The following MGAT5 variants were observed in gnomAD, a reference collection of about 807,000 sequenced individuals.
MGAT5 encodes alpha-1,6-mannosylglycoprotein 6-beta-N-acetylglucosaminyltransferase A.
A neutral mutation model predicts 94.3 loss-of-function variants in MGAT5; 30 were observed. That is an observed-to-expected ratio of 0.32 (90% confidence interval 0.24 to 0.43). The LOEUF is 0.43. Ranked by LOEUF, MGAT5 falls within the 20% of genes least tolerant of loss-of-function variation. The pLI is 1.00. For synonymous variants in MGAT5, 310 were observed against 322.9 expected (o/e 0.96, Z 0.43); for missense variants, 691 against 905.5 (o/e 0.76, Z 3.04).
chr2:134,250,028 G>A (rs1191935632), upstream of MGAT5, among the ~76,000 whole-genome samples: 1 of 152,058 alleles, frequency 6.6e-6, no homozygotes, highest in Admixed American at 6.5e-5. Flanking sequence ...CTTTTCATGT[G>A]CTTTTTTTTT....
Position 134,207,159 on chromosome 2 carries a change from C to T in MGAT5, c.-142-47103C>T, listed in dbSNP as rs141065242. Among the ~76,000 whole-genome samples the T allele has an allele frequency of 9.9e-5, 15 of 152,272 alleles. 2 individuals are homozygous for T. Among genetic ancestry groups the T allele is most frequent in the African/African-American group, 3.6e-4 (15 of 41,560 alleles). On this transcript the variant is annotated intron_variant, in intron 1 of 16. Coordinates refer to the MGAT5 transcript ENST00000409645. ...TGGCTTCTTATGTCTTCAAGCCAGT[C>T]TTTGACACTTTTTAGATAGTGATTC...
intron 1 of MGAT5, among the ~76,000 whole-genome samples, chr2:134,215,162 A>G (rs1680415085): frequency 6.6e-6 from 1 of 152,178 alleles, no homozygotes; most frequent in African/African-American, 2.4e-5. Context: ...TGATCCACCC[A>G]TTCTACCGTA....
chr2:134,301,115 C>T (rs1437339455), intron 2 of MGAT5, among the ~76,000 whole-genome samples: 1 of 152,134 alleles, frequency 6.6e-6, no homozygotes, highest in Non-Finnish European at 1.5e-5. Flanking sequence ...TGAAATCTTA[C>T]AGTATGAACA....
In MGAT5 at chr2:134,275,086, A is replaced by C. The variant is rs554573575; in HGVS notation, c.406+4536A>C. Among the ~76,000 whole-genome samples, 4 of 152,196 alleles carry C rather than the reference A, an allele frequency of 2.6e-5. No individual in the cohort carries two copies. The East Asian group carries it at 7.7e-4, about 29-fold the overall frequency. ...TCCTTGTATGTGTACCCATGTCATCAGTTTGTGTTGAAGTAGCACCTGAAG... is the reference window on the plus strand; with the variant it reads ...TCCTTGTATGTGTACCCATGTCATCCGTTTGTGTTGAAGTAGCACCTGAAG... On this transcript the variant is annotated intron_variant, in intron 2 of 15. Transcript: ENST00000281923.
At chr2:134,289,710 G>A (rs536782297) in intron 2 of MGAT5, among the ~76,000 whole-genome samples, 1 of 152,302 alleles carries the variant, frequency 6.6e-6, no homozygotes, top group South Asian at 2.1e-4. Context: ...CCTTCTGGGA[G>A]TCTGGAATCT....
chr2:134,403,277 C>A, intron 11 of MGAT5, 140 bp downstream of exon 11: 1 of 772,936 alleles, frequency 1.3e-6, no homozygotes. Flanking sequence ...AGACCAATGG[C>A]AGCTGAAAAG....
intron 14 of MGAT5, among the ~76,000 whole-genome samples, chr2:134,430,660 C>T (rs938220724): frequency 6.6e-6 from 1 of 151,976 alleles, no homozygotes; most frequent in South Asian, 2.1e-4. Context: ...AAAACTGCAC[C>T]GCCCCCCACC....
chr2:134,400,831 C>T (rs1423583394), intron 10 of MGAT5, among the ~76,000 whole-genome samples: 1 of 152,180 alleles, frequency 6.6e-6, no homozygotes. Context: ...TTAAGGCCAG[C>T]AAGATGTCCC....
At chr2:134,233,895 C>G (rs1195886208) in intron 1 of MGAT5, among the ~76,000 whole-genome samples, 2 of 152,224 alleles carry the variant, frequency 1.3e-5, no homozygotes, top group Non-Finnish European at 2.9e-5. Context: ...TCATGCACAA[C>G]ACTCTAGGTT....
At chr2:134,343,132 C>G (rs1688729698) in intron 7 of MGAT5, among the ~76,000 whole-genome samples, 1 of 152,002 alleles carries the variant, frequency 6.6e-6, no homozygotes, top group Non-Finnish European at 1.5e-5. Context: ...TGTGGTAGAA[C>G]CAGGGACAAG....
At chr2:134,202,551 G>C (rs545501247) in intron 1 of MGAT5, among the ~76,000 whole-genome samples, 1 of 152,348 alleles carries the variant, frequency 6.6e-6, no homozygotes, top group African/African-American at 2.4e-5. Context: ...AACAGACTGA[G>C]GCACTGGCCC....
chr2:134,408,126 T>G (rs546117897), intron 11 of MGAT5, among the ~76,000 whole-genome samples: 42 of 152,232 alleles, frequency 2.8e-4, no homozygotes, highest in Middle Eastern at 6.8e-3. Flanking sequence ...AATAAGCCTG[T>G]TTTGCTGCCT....
chr2:134,357,780 A>G (rs1345425265), intron 9 of MGAT5, among the ~76,000 whole-genome samples: 1 of 152,052 alleles, frequency 6.6e-6, no homozygotes, highest in Non-Finnish European at 1.5e-5. Context: ...TTTGTCAACA[A>G]TTTAGGCGCT....
At chr2:134,241,200 G>A (rs2105445356) in intron 1 of MGAT5, among the ~76,000 whole-genome samples, 1 of 152,340 alleles carries the variant, frequency 6.6e-6, no homozygotes, top group African/African-American at 2.4e-5. Flanking sequence ...AGTGTGTCCA[G>A]CAGCCTGTTC....
chr2:134,393,932 T>C (rs904640838), intron 10 of MGAT5, among the ~76,000 whole-genome samples: 1 of 148,852 alleles, frequency 6.7e-6, no homozygotes, highest in South Asian at 2.2e-4. Flanking sequence ...TCCTTCCTTA[T>C]GTGTGGTGCA....
rs1553469371 is a variant in MGAT5, at chr2:134,450,775, G to GA, written c.*1928_*1929insA. ...AGGGCAGAAGTCCAAAGGAAACCTTGGTGAGTGAGTGTGTGTGTGTGTGTG... is the reference window on the plus strand; with the variant it reads ...AGGGCAGAAGTCCAAAGGAAACCTTGAGTGAGTGAGTGTGTGTGTGTGTGTG... On this transcript the variant is annotated 3_prime_UTR_variant, in exon 16 of 16. Transcript: ENST00000281923. 2 of 143,052 alleles carry GA rather than the reference G, an allele frequency of 1.4e-5. No homozygotes were observed. The highest frequency in any genetic ancestry group is 3.0e-5 in the Non-Finnish European group (2 of 67,778). The allele number at this position is 143,052 out of a possible 1,614,324, so 8.9% of individuals were successfully genotyped here.
At chr2:134,125,270 ACAT>A (rs1464355719) in intron 1 of MGAT5, among the ~76,000 whole-genome samples, 2 of 152,214 alleles carry the variant, frequency 1.3e-5, no homozygotes, top group Non-Finnish European at 2.9e-5. Flanking sequence ...AGAGACCATA[ACAT>A]CATGAGGTCA....
intron 2 of MGAT5, among the ~76,000 whole-genome samples, chr2:134,282,966 A>C (rs1169132824): frequency 6.6e-6 from 1 of 150,872 alleles, no homozygotes; most frequent in Non-Finnish European, 1.5e-5. Flanking sequence ...TCTAATACAG[A>C]AGGTGGCCTA....
At chr2:134,447,242 CT>C (rs1685837958) in intron 15 of MGAT5, among the ~76,000 whole-genome samples, 1 of 152,160 alleles carries the variant, frequency 6.6e-6, no homozygotes, top group African/African-American at 2.4e-5. Flanking sequence ...AAAAATGAGA[CT>C]TCCATGAACC....
Sources: allele counts gnomAD v4.1 joint callset (sites outside exome capture counted in the v4.1 genomes callset), GRCh38; gene constraint gnomAD v4.1.1; transcripts MANE v1.5; gene names NCBI Gene and HGNC (gene_info 2026-07-23, HGNC 2026-07-21).